FGF12: variants seen among roughly 807,000 people sequenced by gnomAD.
FGF12 encodes the protein fibroblast growth factor 12B.
In FGF12, 14 loss-of-function variants were observed where a neutral mutation model predicts 23.6. The observed-to-expected ratio is 0.59, with a 90% CI of 0.39 to 0.93. The LOEUF (loss-of-function observed/expected upper bound fraction) is 0.93, where lower values mean the gene tolerates loss of function less well. FGF12 is among the 40% of genes least tolerant of loss of function. FGF12 has a pLI of 0.00. For missense variants in FGF12, 175 were observed against 217.8 expected (o/e 0.80, Z 1.24); for synonymous variants, 62 against 77.3 (o/e 0.80, Z 1.04).
intron 2 of FGF12, among the ~76,000 whole-genome samples, chr3:192,381,259 G>T (rs1052121784): frequency 6.6e-6 from 1 of 152,128 alleles, no homozygotes; most frequent in African/African-American, 2.4e-5. Flanking sequence ...TGAAGACTTT[G>T]TTAATACTGA....
chr3:192,156,648 AGCC>A (rs774852191), intron 5 of FGF12, among the ~76,000 whole-genome samples: 4 of 150,134 alleles, frequency 2.7e-5, no homozygotes, highest in Non-Finnish European at 4.4e-5. Context: ...TCCTTGATCA[AGCC>A]GCTTGCCCTC....
At position 192,376,396 on chromosome 3, in the gene FGF12, C is replaced by T. The variant is rs184494820; in HGVS notation, c.14-15858G>A. Among the ~76,000 whole-genome samples the T allele has an allele frequency of 5.2e-3, 795 of 151,758 alleles. 6 individuals carry two copies. Among genetic ancestry groups the T allele is most frequent in the Non-Finnish European group, 7.6e-3 (513 of 67,926 alleles). ...TATTTTTTTGAGACTGAGTTTCACT[C>T]TTGTTGCCCAGGCTAGAGTGCAATG... On this transcript the variant is annotated intron_variant, in intron 2 of 5. Coordinates refer to ENST00000445105, the MANE Select transcript of FGF12 (RefSeq NM_004113.6).
At chr3:192,305,695 T>TAA (rs1553794710) in intron 4 of FGF12, among the ~76,000 whole-genome samples, 135 of 144,780 alleles carry the variant, frequency 9.3e-4, no homozygotes, top group South Asian at 9.2e-3. Context: ...TATATATATA[T>TAA]AAATATATAT....
At chr3:192,553,479 C>T (rs1158342939) in intron 2 of FGF12, among the ~76,000 whole-genome samples, 1 of 152,074 alleles carries the variant, frequency 6.6e-6, no homozygotes, top group East Asian at 1.9e-4. Context: ...AATAAAGCAG[C>T]ACAGCTTAAA....
At chr3:192,243,378 GC>G (rs1281248668) in intron 4 of FGF12, among the ~76,000 whole-genome samples, 1 of 151,822 alleles carries the variant, frequency 6.6e-6, no homozygotes, top group Non-Finnish European at 1.5e-5. Context: ...TGTGTTATTG[GC>G]ACATGAATAA....
intron 2 of FGF12, among the ~76,000 whole-genome samples, chr3:192,720,556 T>G (rs888731937): frequency 5.9e-5 from 9 of 152,226 alleles, no homozygotes; most frequent in African/African-American, 1.4e-4. Flanking sequence ...AATAAGGAGA[T>G]GAGGAAGATG....
chr3:192,486,619 C>T (rs1318246802), intron 2 of FGF12, among the ~76,000 whole-genome samples: 2 of 152,058 alleles, frequency 1.3e-5, no homozygotes, highest in Non-Finnish European at 1.5e-5. Flanking sequence ...GAGCATGAGA[C>T]AAGGTCACAG....
intron 4 of FGF12, among the ~76,000 whole-genome samples, chr3:192,297,851 T>A (rs1409784297): frequency 1.3e-5 from 2 of 152,218 alleles, no homozygotes; most frequent in Non-Finnish European, 2.9e-5. Flanking sequence ...GTTGAACCCA[T>A]AGGTTTCTTT....
chr3:192,169,093 C>A (rs765782514), intron 5 of FGF12, among the ~76,000 whole-genome samples: 1 of 152,110 alleles, frequency 6.6e-6, no homozygotes, highest in African/African-American at 2.4e-5. Context: ...GTAATCCCAG[C>A]ACTTTGGGAG....
intron 2 of FGF12, among the ~76,000 whole-genome samples, chr3:192,621,690 C>CAAAAAAA (rs5855441): frequency 8.5e-4 from 80 of 94,260 alleles, no homozygotes; most frequent in East Asian, 2.5e-3. Flanking sequence ...GATACAAATA[C>CAAAAAAA]AAAAAAAAAA....
intron 4 of FGF12, among the ~76,000 whole-genome samples, chr3:192,254,525 T>C (rs184434845): frequency 6.9e-4 from 105 of 152,160 alleles, no homozygotes; most frequent in Middle Eastern, 3.4e-3. Flanking sequence ...ATAGGATATT[T>C]GATAAATTTA....
intron 2 of FGF12, among the ~76,000 whole-genome samples, chr3:192,645,963 T>A (rs1439557636): frequency 6.6e-6 from 1 of 151,826 alleles, no homozygotes; most frequent in Non-Finnish European, 1.5e-5. Flanking sequence ...GAGTAGGAGA[T>A]GGTCAGAGCC....
chr3:192,429,868 TA>T (rs1286003159), intron 2 of FGF12, among the ~76,000 whole-genome samples: 3 of 152,162 alleles, frequency 2.0e-5, no homozygotes, highest in African/African-American at 4.8e-5. Flanking sequence ...GCCCTTAAGA[TA>T]TTTTTTTGCA....
chr3:192,620,541 C>T (rs899153356), intron 2 of FGF12, among the ~76,000 whole-genome samples: 2 of 152,172 alleles, frequency 1.3e-5, no homozygotes, highest in African/African-American at 4.8e-5. Flanking sequence ...ATGCCACCAA[C>T]CTGCTGCCCA....
At chr3:192,569,958 A>G (rs1712517038) in intron 2 of FGF12, among the ~76,000 whole-genome samples, 1 of 152,220 alleles carries the variant, frequency 6.6e-6, no homozygotes, top group Non-Finnish European at 1.5e-5. Context: ...CAATTTTTGG[A>G]AGAGAAAAGA....
chr3:192,434,967 G>C (rs1036117297), intron 2 of FGF12, among the ~76,000 whole-genome samples: 8 of 152,046 alleles, frequency 5.3e-5, no homozygotes, highest in Non-Finnish European at 1.0e-4. Flanking sequence ...GCCATTGAAG[G>C]GTTTAAAGAG....
chr3:192,553,009 G>A (rs1347365202), intron 2 of FGF12, among the ~76,000 whole-genome samples: 1 of 152,040 alleles, frequency 6.6e-6, no homozygotes, highest in Non-Finnish European at 1.5e-5. Flanking sequence ...AGTATTCCAC[G>A]GTCAGTGGAA....
chr3:192,154,907 C>T (rs1205350936), intron 5 of FGF12, among the ~76,000 whole-genome samples: 2 of 136,708 alleles, frequency 1.5e-5, no homozygotes, highest in Admixed American at 1.5e-4. Flanking sequence ...GCGCCCCTCC[C>T]CCAGCCTCGC....
chr3:192,393,563 G>A (rs1198424391), intron 2 of FGF12, among the ~76,000 whole-genome samples: 1 of 151,904 alleles, frequency 6.6e-6, no homozygotes, highest in Non-Finnish European at 1.5e-5. Context: ...TGGCACAAAA[G>A]ATAAAACTGA....
Sources: gnomAD v4.1 joint callset for allele counts (sites outside exome capture counted in the v4.1 genomes callset) on GRCh38, gnomAD v4.1.1 for gene constraint, MANE v1.5 for transcripts, NCBI Gene and HGNC (gene_info 2026-07-23, HGNC 2026-07-21) for gene names.